EEIG2: variants seen among roughly 807,000 people sequenced by gnomAD.
The protein encoded by EEIG2 is EEIG family member 2, also known as family with sequence similarity 102 member B.
chr1:108,569,879 T>TA, the EEIG2 span, among the ~76,000 whole-genome samples: 9 of 152,208 alleles, frequency 5.9e-5, no homozygotes, highest in Admixed American at 3.3e-4. Flanking sequence ...GTGTCCAACC[T>TA]ACAGTCCACC....
the EEIG2 span, among the ~76,000 whole-genome samples, chr1:108,613,522 A>G: frequency 6.6e-6 from 1 of 152,066 alleles, no homozygotes; most frequent in Non-Finnish European, 1.5e-5. Flanking sequence ...TCAGACCCCC[A>G]CTTTCCTAAG....
At chr1:108,628,307 A>G in the EEIG2 span, 3 of 1,611,406 alleles carry the variant, frequency 1.9e-6, no homozygotes. Context: ...TTCCAAAGGG[A>G]CTTGAAACTG....
the EEIG2 span, chr1:108,635,059 C>A: frequency 7.5e-6 from 12 of 1,608,020 alleles, no homozygotes; most frequent in Admixed American, 1.8e-4. Context: ...GGAACAGTTT[C>A]AAACACTGCA....
At chr1:108,620,539 G>A in the EEIG2 span, among the ~76,000 whole-genome samples, 5 of 152,260 alleles carry the variant, frequency 3.3e-5, no homozygotes, top group African/African-American at 1.2e-4. Flanking sequence ...CTGGCATTTG[G>A]GAATGTGGTG....
At chr1:108,597,902 A>T in the EEIG2 span, among the ~76,000 whole-genome samples, 250 of 152,298 alleles carry the variant, frequency 1.6e-3, no homozygotes, top group African/African-American at 5.8e-3. Flanking sequence ...AGCAACAACC[A>T]AGCGCCTTGA....
chr1:108,602,955 C>CGG, the EEIG2 span, among the ~76,000 whole-genome samples: 1 of 151,630 alleles, frequency 6.6e-6, no homozygotes, highest in Non-Finnish European at 1.5e-5. Context: ...ATGAGGGAGA[C>CGG]GGGGGACATA....
chr1:108,572,943 A>G, the EEIG2 span, among the ~76,000 whole-genome samples: 4 of 152,170 alleles, frequency 2.6e-5, no homozygotes, highest in Non-Finnish European at 4.4e-5. Context: ...CTCGTAATTC[A>G]TTTCTTTTTA....
At chr1:108,629,713 C>A in the EEIG2 span, 2 of 1,341,352 alleles carry the variant, frequency 1.5e-6, no homozygotes, top group Non-Finnish European at 2.1e-6. Context: ...TTAAAAAAAT[C>A]ATGAGTAGAG....
chr1:108,582,532 C>T, the EEIG2 span, among the ~76,000 whole-genome samples: 6 of 151,978 alleles, frequency 3.9e-5, no homozygotes, highest in East Asian at 1.9e-4. Flanking sequence ...AATTCTGTTA[C>T]GAATTCTTAA....
chr1:108,618,045 A>G, the EEIG2 span, among the ~76,000 whole-genome samples: 1 of 152,204 alleles, frequency 6.6e-6, no homozygotes, highest in Non-Finnish European at 1.5e-5. Context: ...TTTGCTATAA[A>G]AAAGAAACAG....
At chr1:108,599,961 A>C in the EEIG2 span, among the ~76,000 whole-genome samples, 1 of 152,162 alleles carries the variant, frequency 6.6e-6, no homozygotes, top group African/African-American at 2.4e-5. Context: ...ACACCACTGC[A>C]CTCCAGCCTG....
At chr1:108,579,838 T>C in the EEIG2 span, among the ~76,000 whole-genome samples, 5 of 140,626 alleles carry the variant, frequency 3.6e-5, no homozygotes, top group Non-Finnish European at 6.3e-5. Flanking sequence ...AGTGCGATGA[T>C]GCATTCTTGG....
chr1:108,581,173 G>A, the EEIG2 span, among the ~76,000 whole-genome samples: 1 of 152,036 alleles, frequency 6.6e-6, no homozygotes, highest in Non-Finnish European at 1.5e-5. Flanking sequence ...TTACAGCATA[G>A]TTTACTGAAT....
At chr1:108,600,774 C>T in the EEIG2 span, 1 of 1,413,466 alleles carries the variant, frequency 7.1e-7, no homozygotes, top group Non-Finnish European at 9.7e-7. Context: ...TCTGCTTTAT[C>T]TGTTTCATTA....
the EEIG2 span, among the ~76,000 whole-genome samples, chr1:108,617,935 G>A: frequency 6.6e-6 from 1 of 152,182 alleles, no homozygotes; most frequent in African/African-American, 2.4e-5. Context: ...AGGCACTTTG[G>A]TAGAATGCCC....
the EEIG2 span, among the ~76,000 whole-genome samples, chr1:108,630,596 GA>G: frequency 1.3e-5 from 2 of 152,154 alleles, no homozygotes; most frequent in Non-Finnish European, 2.9e-5. Flanking sequence ...GAAAAGTTCT[GA>G]AAAACCAAAT....
the EEIG2 span, chr1:108,600,803 C>A: frequency 1.0e-6 from 1 of 975,750 alleles, no homozygotes; most frequent in Non-Finnish European, 1.5e-6. Flanking sequence ...TATGCAGTTT[C>A]ACTTCATGCT....
At chr1:108,634,341 CCATGGTGGGCTAGTAAT>C in the EEIG2 span, among the ~76,000 whole-genome samples, 1 of 152,148 alleles carries the variant, frequency 6.6e-6, no homozygotes, top group African/African-American at 2.4e-5. Context: ...CCAGCCAAGT[CCATGGTGGGCTAGTAAT>C]CACTACCTTA....
At chr1:108,618,258 C>T in the EEIG2 span, among the ~76,000 whole-genome samples, 8 of 152,066 alleles carry the variant, frequency 5.3e-5, no homozygotes, top group African/African-American at 9.7e-5. Flanking sequence ...TGGCTACTGA[C>T]GCAGGTAGAG....
Sources: allele counts gnomAD v4.1 joint callset (sites outside exome capture counted in the v4.1 genomes callset), GRCh38; gene constraint gnomAD v4.1.1; transcripts MANE v1.5; gene names NCBI Gene and HGNC (gene_info 2026-07-23, HGNC 2026-07-21).